CTNND2: variants seen among roughly 807,000 people sequenced by gnomAD.
CTNND2 encodes catenin delta 2, also known as catenin delta-2.
In CTNND2, 22 loss-of-function variants were observed where a neutral mutation model predicts 144.4. The ratio of observed to expected loss-of-function variants is 0.15; its 90% CI spans 0.11 to 0.22. The LOEUF is 0.22. Ranked by LOEUF, CTNND2 falls within the 10% of genes least tolerant of loss-of-function variation. The probability of loss-of-function intolerance (pLI) is 1.00; values close to 1 mark genes in which losing one functional copy is unlikely to be tolerated. For missense variants in CTNND2, 1,353 were observed against 1,618.8 expected, an observed-to-expected ratio of 0.84 and a Z score of 2.82; for synonymous variants, 751 against 695.6, an observed-to-expected ratio of 1.08 and a Z score of -1.25.
chr5:11,236,978 G>C (rs1741707918), intron 9 of CTNND2, among the ~76,000 whole-genome samples, 155 bp from the exon 10 acceptor site: 1 of 151,928 alleles, frequency 6.6e-6, no homozygotes, highest in Admixed American at 6.6e-5. Flanking sequence ...CCATTTAAGG[G>C]GATTTGGAAG....
chr5:11,719,876 A>ACACCCCCC (rs1016017967), intron 2 of CTNND2, among the ~76,000 whole-genome samples: 1 of 144,196 alleles, frequency 6.9e-6, no homozygotes, highest in African/African-American at 2.7e-5. Context: ...ACACACACAC[A>ACACCCCCC]CCACAGATCC....
At chr5:11,397,391 A>AT (rs67303549) in intron 5 of CTNND2, among the ~76,000 whole-genome samples, 188 bp from the exon 6 acceptor site, 55 of 149,448 alleles carry the variant, frequency 3.7e-4, no homozygotes, top group Middle Eastern at 3.4e-3. Context: ...TTTATTTTTT[A>AT]TTTTTTTTTT....
intron 2 of CTNND2, among the ~76,000 whole-genome samples, chr5:11,616,191 C>T (rs1187701078): frequency 2.0e-5 from 3 of 152,166 alleles, no homozygotes; most frequent in Non-Finnish European, 4.4e-5. Flanking sequence ...ATCTCCTTCT[C>T]TCCTCTGGGC....
intron 9 of CTNND2, among the ~76,000 whole-genome samples, chr5:11,342,261 C>T (rs1002477267): frequency 1.2e-4 from 19 of 152,114 alleles, no homozygotes; most frequent in Non-Finnish European, 1.0e-4. Context: ...GTTACTATTT[C>T]GAAACAGCAC....
At chr5:11,310,589 T>A (rs1750692008) in intron 9 of CTNND2, among the ~76,000 whole-genome samples, 1 of 151,718 alleles carries the variant, frequency 6.6e-6, no homozygotes, top group Non-Finnish European at 1.5e-5. Context: ...TCCTTTACCT[T>A]CAAAAACAAA....
chr5:11,468,854 T>C (rs1191947043), intron 3 of CTNND2, among the ~76,000 whole-genome samples: 1 of 152,164 alleles, frequency 6.6e-6, no homozygotes, highest in Admixed American at 6.5e-5. Flanking sequence ...CTCTCCTTTC[T>C]TGTGGGATTC....
At chr5:11,046,530 T>C (rs1162482061) in intron 16 of CTNND2, among the ~76,000 whole-genome samples, 1 of 152,178 alleles carries the variant, frequency 6.6e-6, no homozygotes, top group Non-Finnish European at 1.5e-5. Context: ...GCTTGACTTT[T>C]GGGTTTAGGT....
chr5:11,240,849 C>T (rs932290350), intron 9 of CTNND2, among the ~76,000 whole-genome samples: 4 of 143,710 alleles, frequency 2.8e-5, no homozygotes, highest in African/African-American at 7.8e-5. Flanking sequence ...AACACACACC[C>T]AACACATACA....
chr5:11,255,328 G>A (rs951076973), intron 9 of CTNND2, among the ~76,000 whole-genome samples: 5 of 152,168 alleles, frequency 3.3e-5, no homozygotes, highest in African/African-American at 1.2e-4. Flanking sequence ...GCCTCCAGCT[G>A]TCTCTACACA....
rs200260744 is a variant in CTNND2 at position 11,732,291 on chromosome 5, T to C, written c.38-19A>G. On this transcript the variant is annotated intron_variant, in intron 1 of 21. Transcript: ENST00000304623. ...ATAGCTCCTGCAAGGCAAGAGGACA[T>C]GATCAATACAATCAGATGTTGACAC... The C allele has an allele frequency of 4.3e-6, 7 of 1,609,530 alleles. No individual in the cohort carries two copies.
At chr5:11,129,094 A>ATAT (rs1403719892) in intron 12 of CTNND2, among the ~76,000 whole-genome samples, 1 of 37,108 alleles carries the variant, frequency 2.7e-5, no homozygotes, top group Non-Finnish European at 5.3e-5. Flanking sequence ...TATATATTAT[A>ATAT]TATAAATAAA....
At chr5:11,695,675 T>A (rs7705169) in intron 2 of CTNND2, among the ~76,000 whole-genome samples, 15,792 of 152,246 alleles carry the variant, frequency 0.1, 987 homozygotes, top group African/African-American at 0.16. Context: ...TACTTAGCTT[T>A]GCGTGAGTTT....
At chr5:11,544,687 A>G (rs1369733308) in intron 3 of CTNND2, among the ~76,000 whole-genome samples, 1 of 152,252 alleles carries the variant, frequency 6.6e-6, no homozygotes, top group Non-Finnish European at 1.5e-5. Context: ...AGCAATTAAA[A>G]GGAATGCCAT....
intron 1 of CTNND2, among the ~76,000 whole-genome samples, chr5:11,780,902 T>A (rs927555557): frequency 3.3e-5 from 5 of 152,292 alleles, no homozygotes; most frequent in African/African-American, 1.2e-4. Context: ...GATGTCAGTG[T>A]TGGGTGAAGA....
At chr5:11,740,861 A>C (rs892163094) in intron 1 of CTNND2, among the ~76,000 whole-genome samples, 8 of 152,316 alleles carry the variant, frequency 5.3e-5, no homozygotes, top group Non-Finnish European at 8.8e-5. Context: ...ACAACCCATC[A>C]AAAAGTGGGC....
At chr5:11,285,278 C>T (rs1181036783) in intron 9 of CTNND2, among the ~76,000 whole-genome samples, 1 of 152,150 alleles carries the variant, frequency 6.6e-6, no homozygotes, top group Non-Finnish European at 1.5e-5. Flanking sequence ...GCTTTAAGTC[C>T]CCACTTTTCC....
chr5:10,998,277 C>T (rs1739560774), intron 18 of CTNND2, among the ~76,000 whole-genome samples: 1 of 152,148 alleles, frequency 6.6e-6, no homozygotes, highest in Admixed American at 6.5e-5. Context: ...CAATCCCTGA[C>T]TCAGACCCTC....
chr5:11,280,006 GAAATTT>G (rs1269245507), intron 9 of CTNND2, among the ~76,000 whole-genome samples: 23 of 152,108 alleles, frequency 1.5e-4, no homozygotes, highest in African/African-American at 5.3e-4. Context: ...AATTCAACCT[GAAATTT>G]GGTTGAGGGC....
intron 1 of CTNND2, among the ~76,000 whole-genome samples, chr5:11,889,790 T>C (rs1427411029): frequency 2.0e-5 from 3 of 152,226 alleles, no homozygotes; most frequent in Non-Finnish European, 2.9e-5. Flanking sequence ...TTTTATTACA[T>C]TGCAACTTTT....
Sources: allele counts gnomAD v4.1 joint callset (sites outside exome capture counted in the v4.1 genomes callset), GRCh38; gene constraint gnomAD v4.1.1; transcripts MANE v1.5; gene names NCBI Gene and HGNC (gene_info 2026-07-23, HGNC 2026-07-21).